Variants in XRCC5 observed in about 807,000 individuals in gnomAD.
XRCC5 encodes DNA repair protein Ku80.
In XRCC5, 12 loss-of-function variants were observed where a neutral mutation model predicts 95.7. The observed-to-expected ratio is 0.13, with a 90% CI of 0.08 to 0.20. The LOEUF (loss-of-function observed/expected upper bound fraction) is 0.20. XRCC5 is among the 10% of genes least tolerant of loss of function. The pLI, the probability that XRCC5 is intolerant of heterozygous loss-of-function variation, is 1.00. For synonymous variants in XRCC5, 281 were observed against 290.3 expected (o/e 0.97, Z 0.33); for missense variants, 595 against 873.9 (o/e 0.68, Z 4.02).
chr2:216,200,243 T>C (rs2106053865), intron 19 of XRCC5, among the ~76,000 whole-genome samples: 1 of 152,284 alleles, frequency 6.6e-6, no homozygotes, highest in South Asian at 2.1e-4. Flanking sequence ...GCTCCCTTTT[T>C]CAAGAGTACA....
Position 216,194,977 on chromosome 2 carries a change from A to G in XRCC5, c.2100A>G (p.Glu700=), listed in dbSNP as rs1463647136. Reference sequence around the variant, plus strand: ...CTGGAAGTTCTGTCACAGCTGAGGAAGCCAAAAAGGTATTGAGGGGTAAAC... The same window carrying G: ...CTGGAAGTTCTGTCACAGCTGAGGAGGCCAAAAAGGTATTGAGGGGTAAAC... ...EASGSSVTAE[E]AKKFLAPKDK... Residue 700 remains glutamate, a synonymous_variant, in exon 19 of 21, where the codon GAA becomes GAG. Coordinates refer to ENST00000392132, the MANE Select transcript of XRCC5 (RefSeq NM_021141.4). 2 of 1,614,176 alleles carry G rather than the reference A, an allele frequency of 1.2e-6. No homozygotes were observed. The highest frequency in any genetic ancestry group is 1.3e-5 in the African/African-American group (1 of 75,052).
In XRCC5 at chr2:216,137,089, C is replaced by A. The variant is rs1469779664; in HGVS notation, c.1115C>A (p.Ala372Glu). 6.2e-7 allele frequency: 1 copy of A among 1,612,246 alleles called. No individual in the cohort carries two copies. The highest frequency in any genetic ancestry group is 8.5e-7 in the Non-Finnish European group (1 of 1,179,116). ...TAATACATCCATCTTTCTTACCAGGCAGCTGCAGTTGCACTTTCCTCCCTG... is the reference window on the plus strand; with the variant it reads ...TAATACATCCATCTTTCTTACCAGGAAGCTGCAGTTGCACTTTCCTCCCTG... ...LKVFAARDDE[A>E]AAVALSSLIH... Residue 372 changes from alanine to glutamate, a missense_variant and splice_region_variant, in exon 11 of 21, where the codon GCA becomes GAA. This residue lies in a region of XRCC5 where 286 missense variants were observed against 491.1 expected (regional missense o/e 0.58). Coordinates refer to ENST00000392132, the MANE Select transcript of XRCC5 (RefSeq NM_021141.4).
Position 216,137,110 on chromosome 2 carries a change from C to G in XRCC5, c.1136C>G (p.Ser379Cys). The change falls in exon 11 of 21, where the codon TCC (serine) becomes TGC (cysteine). Residue 379 changes from serine to cysteine, a missense_variant. Around this residue, in one of 2 missense-constraint regions of XRCC5, gnomAD observed 286 missense variants for 491.1 expected, o/e 0.58. Transcript: ENST00000392132. ...DDEAAAVALS[S>C]LIHALDDLDM... ...CAGGCAGCTGCAGTTGCACTTTCCT[C>G]CCTGATTCATGCTTTGGATGACTTA... is the stretch of plus-strand genomic sequence containing the variant. 1 of 1,613,456 alleles carries G rather than the reference C, an allele frequency of 6.2e-7. No homozygotes were observed. The highest frequency in any genetic ancestry group is 1.7e-4 in the Middle Eastern group (1 of 6,060).
At chr2:216,161,289 T>C (rs1688946948) in intron 15 of XRCC5, among the ~76,000 whole-genome samples, 2 of 152,224 alleles carry the variant, frequency 1.3e-5, no homozygotes, top group African/African-American at 4.8e-5. Context: ...CCCATTGTTT[T>C]CTTTCTTATG....
At chr2:216,158,367 TA>T (rs896008451) in intron 14 of XRCC5, among the ~76,000 whole-genome samples, 11 of 152,170 alleles carry the variant, frequency 7.2e-5, no homozygotes, top group Non-Finnish European at 1.6e-4. Context: ...CAAGAAGGTG[TA>T]AGATTTCAGG....
At chr2:216,116,037 T>A (rs1197286277) in intron 2 of XRCC5, among the ~76,000 whole-genome samples, 1 of 152,234 alleles carries the variant, frequency 6.6e-6, no homozygotes, top group African/African-American at 2.4e-5. Context: ...TTATTTTAGA[T>A]CTATTCATGT....
intron 16 of XRCC5, 44 bp downstream of exon 16, chr2:216,162,092 C>CT: frequency 1.3e-6 from 2 of 1,532,110 alleles, no homozygotes; most frequent in Non-Finnish European, 1.8e-6. Flanking sequence ...TTTAGTTAAG[C>CT]TAACTAATTT....
chr2:216,182,202 G>T (rs1159540060), intron 16 of XRCC5, among the ~76,000 whole-genome samples: 2 of 152,146 alleles, frequency 1.3e-5, no homozygotes, highest in Non-Finnish European at 2.9e-5. Context: ...CATTCACTCT[G>T]TCTTTTCAAC....
intron 14 of XRCC5, among the ~76,000 whole-genome samples, chr2:216,154,193 T>C (rs971245423): frequency 1.3e-5 from 2 of 152,204 alleles, no homozygotes; most frequent in African/African-American, 4.8e-5. Context: ...TTGCTCAGTG[T>C]CAAGTGGCAA....
chr2:216,122,280 T>A, intron 6 of XRCC5, 27 bp downstream of exon 6: 1 of 1,573,770 alleles, frequency 6.4e-7, no homozygotes, highest in Non-Finnish European at 8.6e-7. Context: ...TTGATGGGAA[T>A]TTTTAATTGT....
At chr2:216,117,991 G>T (rs553727504) in intron 4 of XRCC5, among the ~76,000 whole-genome samples, 197 bp downstream of exon 4, 1 of 152,092 alleles carries the variant, frequency 6.6e-6, no homozygotes, top group African/African-American at 2.4e-5. Context: ...GGCTGTACTC[G>T]GTGATTATTT....
intron 6 of XRCC5, among the ~76,000 whole-genome samples, chr2:216,123,667 A>G (rs1696855923): frequency 6.6e-6 from 1 of 152,130 alleles, no homozygotes; most frequent in Non-Finnish European, 1.5e-5. Context: ...TTAGCTGGGC[A>G]TGGTGGTGCA....
At chr2:216,141,075 C>A in intron 12 of XRCC5, 111 bp from the exon 13 acceptor site, 1 of 1,317,204 alleles carries the variant, frequency 7.6e-7, no homozygotes, top group East Asian at 2.3e-5. Context: ...TTTGGCAGGG[C>A]CAGGACTGTA....
chr2:216,141,871 G>A (rs1214898418), intron 13 of XRCC5, among the ~76,000 whole-genome samples: 3 of 151,966 alleles, frequency 2.0e-5, no homozygotes, highest in Admixed American at 1.3e-4. Flanking sequence ...TGGCTAACAT[G>A]GTGAAACCCT....
At chr2:216,112,824 A>G (rs1281060201) in intron 1 of XRCC5, among the ~76,000 whole-genome samples, 192 bp from the exon 2 acceptor site, 1 of 152,266 alleles carries the variant, frequency 6.6e-6, no homozygotes, top group East Asian at 1.9e-4. Flanking sequence ...TTTAGAAAGT[A>G]TCAGGACTAT....
chr2:216,111,850 CA>C (rs779312297), intron 1 of XRCC5, among the ~76,000 whole-genome samples: 6 of 152,178 alleles, frequency 3.9e-5, no homozygotes, highest in Non-Finnish European at 7.3e-5. Flanking sequence ...GATTAAGTGA[CA>C]TTCCCAAGGA....
intron 16 of XRCC5, among the ~76,000 whole-genome samples, chr2:216,165,952 G>T (rs183049339): frequency 3.9e-5 from 6 of 152,202 alleles, no homozygotes; most frequent in African/African-American, 1.4e-4. Flanking sequence ...CTGGTTTTCA[G>T]TGTGAGGGAT....
intron 16 of XRCC5, among the ~76,000 whole-genome samples, chr2:216,171,871 T>G (rs1046926175): frequency 1.3e-5 from 2 of 152,240 alleles, no homozygotes; most frequent in Admixed American, 1.3e-4. Context: ...TTAAAATAGC[T>G]TTATTGAAGT....
chr2:216,133,617 G>T (rs1697027242), intron 10 of XRCC5, among the ~76,000 whole-genome samples: 1 of 152,218 alleles, frequency 6.6e-6, no homozygotes, highest in Non-Finnish European at 1.5e-5. Flanking sequence ...AGGCTTGCTA[G>T]CTAAGGGCAG....
Sources: allele counts gnomAD v4.1 joint callset (sites outside exome capture counted in the v4.1 genomes callset), GRCh38; gene constraint gnomAD v4.1.1; regional missense constraint gnomAD v4.1.1; transcripts MANE v1.5; gene names NCBI Gene and HGNC (gene_info 2026-07-23, HGNC 2026-07-21).